Variants in AKR1C8 observed in about 807,000 individuals in gnomAD.
AKR1C8 encodes aldo-keto reductase family 1 member C8, also known as aldo-keto reductase family 1 member C-like protein 1.
chr10:5,163,578 C>T, the AKR1C8 span, among the ~76,000 whole-genome samples: 1 of 152,222 alleles, frequency 6.6e-6, no homozygotes. Context: ...GACACTATGC[C>T]TCCTAAGTCT....
the AKR1C8 span, among the ~76,000 whole-genome samples, chr10:5,125,170 A>G: frequency 6.6e-6 from 1 of 152,078 alleles, no homozygotes; most frequent in East Asian, 1.9e-4. Flanking sequence ...GGTACTTAAT[A>G]TCTTTTTATA....
At chr10:5,143,561 G>A in the AKR1C8 span, among the ~76,000 whole-genome samples, 4 of 151,784 alleles carry the variant, frequency 2.6e-5, no homozygotes, top group Admixed American at 2.0e-4. Flanking sequence ...ATTGAAATGA[G>A]GCAATCCCTC....
the AKR1C8 span, chr10:5,135,174 A>C: frequency 4.4e-6 from 1 of 225,166 alleles, no homozygotes; most frequent in Non-Finnish European, 9.9e-6. Context: ...AAATCCTAAT[A>C]CAGGCATGAA....
the AKR1C8 span, chr10:5,132,772 G>T: frequency 2.3e-6 from 3 of 1,303,238 alleles, no homozygotes; most frequent in Admixed American, 4.1e-5. Context: ...CTAGGAACCC[G>T]GAGGAGTAAT....
At chr10:5,176,392 A>C in the AKR1C8 span, among the ~76,000 whole-genome samples, 1 of 144,454 alleles carries the variant, frequency 6.9e-6, no homozygotes, top group African/African-American at 2.5e-5. Flanking sequence ...CTTGTAGTAT[A>C]GTTTGAAGTC....
At chr10:5,152,267 T>C in the AKR1C8 span, among the ~76,000 whole-genome samples, 4 of 152,152 alleles carry the variant, frequency 2.6e-5, no homozygotes, top group African/African-American at 9.7e-5. Context: ...TTTTGAAACA[T>C]AATTTTTGTC....
chr10:5,153,634 C>T, the AKR1C8 span, among the ~76,000 whole-genome samples: 12 of 152,078 alleles, frequency 7.9e-5, no homozygotes, highest in Admixed American at 7.2e-4. Flanking sequence ...GGAGCAGACG[C>T]GTCTTCATGT....
At chr10:5,127,607 T>TG in the AKR1C8 span, among the ~76,000 whole-genome samples, 30,449 of 151,048 alleles carry the variant, frequency 0.2, 3,914 homozygotes, top group East Asian at 0.63. Flanking sequence ...TAATCCCAGC[T>TG]ACTCAGGAGC....
the AKR1C8 span, chr10:5,122,196 C>G: frequency 6.0e-3 from 2,082 of 348,996 alleles, 19 homozygotes; most frequent in African/African-American, 0.027. Context: ...TCACATTCAC[C>G]TTTCCCAGGA....
the AKR1C8 span, chr10:5,123,821 C>A: frequency 3.3e-4 from 532 of 1,608,822 alleles, 3 homozygotes; most frequent in Admixed American, 6.8e-5. Flanking sequence ...GACATTCCAC[C>A]TGCAGATGAC....
At chr10:5,147,110 A>C in the AKR1C8 span, among the ~76,000 whole-genome samples, 1 of 152,186 alleles carries the variant, frequency 6.6e-6, no homozygotes, top group Non-Finnish European at 1.5e-5. Flanking sequence ...GGAGACGTGG[A>C]GTTAGCATGC....
the AKR1C8 span, among the ~76,000 whole-genome samples, chr10:5,177,344 G>T: frequency 6.6e-6 from 1 of 151,992 alleles, no homozygotes; most frequent in African/African-American, 2.4e-5. Context: ...GATCATGGTG[G>T]GATAAGCTTT....
chr10:5,180,024 C>T, the AKR1C8 span, among the ~76,000 whole-genome samples: 19 of 152,188 alleles, frequency 1.2e-4, no homozygotes, highest in Non-Finnish European at 2.1e-4. Context: ...TGAGGAACTG[C>T]GTTCGTTTGG....
At chr10:5,169,623 G>A in the AKR1C8 span, among the ~76,000 whole-genome samples, 1 of 151,218 alleles carries the variant, frequency 6.6e-6, no homozygotes, top group East Asian at 2.0e-4. Flanking sequence ...TGTTATTCCT[G>A]TTATGAGGAT....
chr10:5,161,534 C>T, the AKR1C8 span, among the ~76,000 whole-genome samples: 2 of 152,094 alleles, frequency 1.3e-5, no homozygotes, highest in Non-Finnish European at 1.5e-5. Flanking sequence ...TCTTGAAGAT[C>T]CTAATGGCTC....
the AKR1C8 span, among the ~76,000 whole-genome samples, chr10:5,178,866 G>A: frequency 3.3e-5 from 5 of 152,132 alleles, no homozygotes; most frequent in African/African-American, 7.2e-5. Context: ...TTGAGCCTAT[G>A]TGTGTCTCTG....
chr10:5,174,921 CAT>C, the AKR1C8 span, among the ~76,000 whole-genome samples: 9 of 152,008 alleles, frequency 5.9e-5, no homozygotes, highest in South Asian at 4.2e-4. Context: ...AAAAATATTA[CAT>C]GTTTTTTCAT....
At chr10:5,185,102 C>T in the AKR1C8 span, 2 of 534,778 alleles carry the variant, frequency 3.7e-6, no homozygotes, top group South Asian at 2.8e-5. Context: ...GATCCGTCAT[C>T]ATCCCCAGCT....
chr10:5,117,334 G>A, the AKR1C8 span, among the ~76,000 whole-genome samples: 3 of 152,050 alleles, frequency 2.0e-5, no homozygotes, highest in African/African-American at 7.2e-5. Flanking sequence ...GCTCCAGGGT[G>A]GTCTTCAACT....
Sources: allele counts gnomAD v4.1 joint callset (sites outside exome capture counted in the v4.1 genomes callset), GRCh38; gene constraint gnomAD v4.1.1; transcripts MANE v1.5; gene names NCBI Gene and HGNC (gene_info 2026-07-23, HGNC 2026-07-21).